The following IFNLR1 variants were observed in gnomAD, a reference collection of about 807,000 sequenced individuals.
The protein encoded by IFNLR1 is interferon lambda receptor 1.
IFNLR1 carries 28 observed loss-of-function variants against 52.5 expected under a neutral mutation model. The ratio of observed to expected loss-of-function variants is 0.53; its 90% CI spans 0.40 to 0.73. IFNLR1 has a LOEUF of 0.73. IFNLR1 is among the 30% of genes least tolerant of loss of function. The probability of loss-of-function intolerance (pLI) is 0.00; values close to 1 mark genes in which losing one functional copy is unlikely to be tolerated. For missense variants in IFNLR1, 623 were observed against 659.1 expected, an observed-to-expected ratio of 0.95 and a Z score of 0.60; for synonymous variants, 276 against 274.9, an observed-to-expected ratio of 1.00 and a Z score of -0.04.
intron 2 of IFNLR1, among the ~76,000 whole-genome samples, chr1:24,179,776 G>A (rs142147987): frequency 6.6e-6 from 1 of 152,284 alleles, no homozygotes; most frequent in East Asian, 1.9e-4. Context: ...GGCACAGGAC[G>A]GGTCCTGAGG....
intron 2 of IFNLR1, among the ~76,000 whole-genome samples, chr1:24,179,601 G>A (rs1644668228): frequency 1.3e-5 from 2 of 152,154 alleles, no homozygotes; most frequent in Admixed American, 6.5e-5. Context: ...TGTTGGAGTC[G>A]GACCCGAGTT....
Position 24,157,090 on chromosome 1 carries a change from C to A in IFNLR1, c.*40G>T. 6.4e-7 allele frequency: 1 copy of A among 1,565,456 alleles called. No homozygotes were observed. The highest frequency in any genetic ancestry group is 8.6e-7 in the Non-Finnish European group (1 of 1,156,660). ...GGAAGCCCAGTAGTCCTTGCAAAGG[C>A]AGCAGCAGCATCAGATTCGGTGGGA... On this transcript the variant is annotated 3_prime_UTR_variant, in exon 7 of 7. Coordinates refer to ENST00000327535, the MANE Select transcript of IFNLR1 (RefSeq NM_170743.4). This position sits in a 1 kb window ranked among gnomAD's most constrained non-coding sequence, Gnocchi z 5.1.
intron 2 of IFNLR1, among the ~76,000 whole-genome samples, chr1:24,172,225 C>A (rs544970435): frequency 6.6e-6 from 1 of 152,150 alleles, no homozygotes; most frequent in African/African-American, 2.4e-5. Flanking sequence ...CTAAGTAATA[C>A]TTAGAGGAAA....
intron 3 of IFNLR1, among the ~76,000 whole-genome samples, chr1:24,166,359 TACA>T (rs1290235531): frequency 6.6e-6 from 1 of 152,114 alleles, no homozygotes; most frequent in Non-Finnish European, 1.5e-5. Context: ...ATTCTTCCCA[TACA>T]TCCATTCTTC....
intron 3 of IFNLR1, among the ~76,000 whole-genome samples, chr1:24,168,612 C>T (rs72648599): frequency 4.6e-5 from 7 of 152,078 alleles, no homozygotes; most frequent in African/African-American, 7.2e-5. Flanking sequence ...GTGCCCTCCT[C>T]ACCCAATGTC....
chr1:24,174,105 CTTGT>C (rs1644608788), intron 2 of IFNLR1, among the ~76,000 whole-genome samples: 1 of 126,390 alleles, frequency 7.9e-6, no homozygotes, highest in African/African-American at 5.0e-5. Context: ...GACTGGTGTA[CTTGT>C]AAGAAGAGGA....
intron 3 of IFNLR1, among the ~76,000 whole-genome samples, chr1:24,166,361 C>A (rs188684818): frequency 6.6e-6 from 1 of 152,004 alleles, no homozygotes; most frequent in Non-Finnish European, 1.5e-5. Flanking sequence ...TCTTCCCATA[C>A]ATCCATTCTT....
intron 5 of IFNLR1, 70 bp downstream of exon 5, chr1:24,159,404 T>C (rs1569626704): frequency 6.9e-7 from 1 of 1,458,250 alleles, no homozygotes; most frequent in East Asian, 2.3e-5. Context: ...CTCATGTTCT[T>C]AACCACTGTG....
At chr1:24,183,921 G>C (rs1298271848) in intron 1 of IFNLR1, among the ~76,000 whole-genome samples, 2 of 152,264 alleles carry the variant, frequency 1.3e-5, no homozygotes, top group East Asian at 1.9e-4. Flanking sequence ...GTTGAGACGA[G>C]GTTTCACCAT....
At chr1:24,164,814 G>A (rs1644502173) in intron 3 of IFNLR1, among the ~76,000 whole-genome samples, 1 of 150,370 alleles carries the variant, frequency 6.7e-6, no homozygotes, top group African/African-American at 2.5e-5. Context: ...CCAGGCTGGA[G>A]TGCAGTGGCA....
intron 2 of IFNLR1, among the ~76,000 whole-genome samples, chr1:24,175,982 T>C (rs1461132102): frequency 1.3e-5 from 2 of 148,578 alleles, no homozygotes; most frequent in African/African-American, 2.5e-5. Context: ...AGGGGGTGAA[T>C]GTATTTTGCA....
At chr1:24,170,091 C>T (rs1169128620) in intron 2 of IFNLR1, among the ~76,000 whole-genome samples, 12 of 152,194 alleles carry the variant, frequency 7.9e-5, no homozygotes, top group South Asian at 4.1e-4. Context: ...TCTTCTGCCA[C>T]GTGAGGACAC....
rs1452032988 is a variant in IFNLR1, at chr1:24,156,298, G to A, written c.*832C>T. Reference sequence around the variant, plus strand: ...CACTCTGGGTTTAGGGGCCACAGGTGGGAGATGCCCAGGGGTCTCCTGGAG... The same window carrying A: ...CACTCTGGGTTTAGGGGCCACAGGTAGGAGATGCCCAGGGGTCTCCTGGAG... On this transcript the variant is annotated 3_prime_UTR_variant, in exon 7 of 7. Coordinates refer to ENST00000327535, the MANE Select transcript of IFNLR1 (RefSeq NM_170743.4). The A allele has an allele frequency of 6.6e-6, 1 of 152,346 alleles. No homozygotes were observed. Among genetic ancestry groups the A allele is most frequent in the African/African-American group, 2.4e-5 (1 of 41,408 alleles). The allele number at this position is 152,346 out of a possible 1,614,324, so 9.4% of individuals were successfully genotyped here.
intron 2 of IFNLR1, among the ~76,000 whole-genome samples, chr1:24,171,511 C>A (rs1644579411): frequency 6.6e-6 from 1 of 152,142 alleles, no homozygotes; most frequent in Admixed American, 6.5e-5. Context: ...TTTTTTGAGA[C>A]AGCGTCTTGC....
rs1644383262 is a variant in IFNLR1, at chr1:24,156,824, A to G, written c.*306T>C. The stretch of plus-strand genomic sequence containing the variant: ...CTCACCTGTTTCATGTTGTCCGGGG[A>G]TAATTTTTCCCCCTGGCCTGTCACC... On this transcript the variant is annotated 3_prime_UTR_variant, in exon 7 of 7. Coordinates refer to ENST00000327535, the MANE Select transcript of IFNLR1 (RefSeq NM_170743.4). 2.6e-6 allele frequency: 1 copy of G among 392,108 alleles called. No individual in the cohort carries two copies. Among genetic ancestry groups the G allele is most frequent in the Non-Finnish European group, 4.6e-6 (1 of 218,360 alleles). 24.3% of individuals were successfully genotyped at this position (392,108 alleles called of 1,614,324 possible). A position where few individuals can be genotyped will look rare whatever the true frequency, so the allele number is the denominator to read the frequency against.
intron 1 of IFNLR1, among the ~76,000 whole-genome samples, chr1:24,182,691 G>A (rs1181204821): frequency 3.3e-5 from 5 of 152,130 alleles, no homozygotes; most frequent in African/African-American, 1.2e-4. Flanking sequence ...GGAGGCTGAT[G>A]TGGGCAGATC....
At chr1:24,179,380 GT>G (rs1314481250) in intron 2 of IFNLR1, among the ~76,000 whole-genome samples, 2 of 152,212 alleles carry the variant, frequency 1.3e-5, no homozygotes, top group Non-Finnish European at 2.9e-5. Flanking sequence ...TACTGAACTT[GT>G]CCTCAGAGAG....
chr1:24,172,799 C>G (rs1456681213), intron 2 of IFNLR1, among the ~76,000 whole-genome samples: 3 of 152,138 alleles, frequency 2.0e-5, no homozygotes, highest in Admixed American at 6.5e-5. Context: ...GGCTGGAAGT[C>G]CAAGATCAAG....
At chr1:24,162,877 T>TTCTC (rs1644474928) in intron 3 of IFNLR1, among the ~76,000 whole-genome samples, 1 of 36,610 alleles carries the variant, frequency 2.7e-5, no homozygotes, top group Non-Finnish European at 5.4e-5. Context: ...CTTTCTTTCT[T>TTCTC]TCCTTCCTTC....
Sources: gnomAD v4.1 joint callset for allele counts (sites outside exome capture counted in the v4.1 genomes callset) on GRCh38, gnomAD v4.1.1 for gene constraint, Gnocchi (gnomAD v3.1) non-coding constraint, MANE v1.5 for transcripts, NCBI Gene and HGNC (gene_info 2026-07-23, HGNC 2026-07-21) for gene names.